Variants in ZNF329 observed in about 807,000 individuals in gnomAD.
The protein encoded by ZNF329 is zinc finger protein 329.
ZNF329 carries 15 observed loss-of-function variants against 26.6 expected under a neutral mutation model. The ratio of observed to expected loss-of-function variants is 0.56; its 90% CI spans 0.38 to 0.87. ZNF329 has a LOEUF of 0.87. ZNF329 is among the 40% of genes least tolerant of loss of function. The pLI is 0.00. For synonymous variants in ZNF329, 239 were observed against 233.5 expected, an observed-to-expected ratio of 1.02 and a Z score of -0.21; for missense variants, 651 against 651.9, an observed-to-expected ratio of 1.00 and a Z score of 0.02.
chr19:58,126,599 T>C lies in ZNF329; in HGVS notation c.*1279A>G, dbSNP rs2074805894. On this transcript the variant is annotated 3_prime_UTR_variant, in exon 4 of 4. Coordinates refer to ENST00000598312, the MANE Select transcript of ZNF329 (RefSeq NM_024620.4). ...AACTCAGTATTTTTGCTTCAACAAC[T>C]AAAGCAACAAACCACATCTGTTAGA... 6.6e-6 allele frequency: 1 copy of C among 152,198 alleles called. No individual in the cohort carries two copies. The allele number at this position is 152,198 out of a possible 1,614,324, so 9.4% of individuals were successfully genotyped here.
At chr19:58,144,396 A>ATTT (rs367570171) in intron 1 of ZNF329, among the ~76,000 whole-genome samples, 14,997 of 127,318 alleles carry the variant, frequency 0.12, 1,191 homozygotes, top group East Asian at 0.26. Flanking sequence ...ATATATATAT[A>ATTT]TTTTTTTTTT....
intron 1 of ZNF329, among the ~76,000 whole-genome samples, chr19:58,146,017 A>G (rs982872982): frequency 2.0e-5 from 3 of 150,564 alleles, no homozygotes; most frequent in African/African-American, 7.3e-5. Context: ...AAAAAAAAAG[A>G]AAGGAGAGTG....
In ZNF329 at chr19:58,127,852, TG is replaced by T. The variant is rs779924139; in HGVS notation, c.*25del. 1 of 1,552,852 alleles carries T rather than the reference TG, an allele frequency of 6.4e-7. No individual in the cohort carries two copies. The highest frequency in any genetic ancestry group is 8.7e-7 in the Non-Finnish European group (1 of 1,148,766). Reference sequence around the variant, plus strand: ...CCTAAACACAGGAGTGAGAGTGAACTGGAAGACTCATGTGGCCCCCAACCAT... The same window carrying T: ...CCTAAACACAGGAGTGAGAGTGAACTGAAGACTCATGTGGCCCCCAACCAT... On this transcript the variant is annotated 3_prime_UTR_variant, in exon 4 of 4. Coordinates refer to ENST00000598312, the MANE Select transcript of ZNF329 (RefSeq NM_024620.4).
At chr19:58,146,132 G>A (rs1483447519) in intron 1 of ZNF329, among the ~76,000 whole-genome samples, 2 of 152,080 alleles carry the variant, frequency 1.3e-5, no homozygotes, top group Non-Finnish European at 2.9e-5. Flanking sequence ...CATACAAACT[G>A]TATCAGCTGC....
rs765312186 is a variant in ZNF329 at position 58,128,380 on chromosome 19, T to G, written c.1124A>C (p.Glu375Ala). The change falls in exon 4 of 4, where the codon GAG becomes GCG. Residue 375 changes from glutamate (E) to alanine (A), a missense_variant. Transcript: ENST00000598312. ...HTGEKPFECAECGKSFNRNSH... is the reference protein window; with the variant it reads ...HTGEKPFECAACGKSFNRNSH... ...GTTTCTGTTGAAGGATTTCCCGCAC[T>G]CTGCACACTCAAAGGGCTTTTCTCC... is the stretch of plus-strand genomic sequence containing the variant. 1 of 1,614,158 alleles carries G rather than the reference T, an allele frequency of 6.2e-7. No individual in the cohort carries two copies. The highest frequency in any genetic ancestry group is 8.5e-7 in the Non-Finnish European group (1 of 1,180,028).
upstream of ZNF329, among the ~76,000 whole-genome samples, chr19:58,152,441 T>A (rs1281810746): frequency 3.0e-4 from 42 of 141,500 alleles, no homozygotes; most frequent in Admixed American, 1.1e-3. Context: ...AAAAAAAAAA[T>A]CTTCACAAAA....
intron 1 of ZNF329, among the ~76,000 whole-genome samples, chr19:58,149,303 T>C (rs758808899): frequency 6.6e-6 from 1 of 152,022 alleles, no homozygotes; most frequent in Non-Finnish European, 1.5e-5. Flanking sequence ...ATCTATGGAG[T>C]AGCCATTTTT....
At chr19:58,150,839 G>A (rs1438613684), upstream of ZNF329, 2 of 152,802 alleles carry the variant, frequency 1.3e-5, no homozygotes, top group South Asian at 2.1e-4. Context: ...GAGTCCCCGA[G>A]CTTCCCCCGC....
intron 1 of ZNF329, among the ~76,000 whole-genome samples, chr19:58,146,676 G>A (rs1021565227): frequency 5.4e-5 from 8 of 149,184 alleles, no homozygotes; most frequent in African/African-American, 1.5e-4. Flanking sequence ...TCAGCCTGCC[G>A]AGTGCCTGCA....
intron 1 of ZNF329, among the ~76,000 whole-genome samples, chr19:58,146,787 G>A (rs1029952355): frequency 9.2e-5 from 14 of 151,972 alleles, no homozygotes; most frequent in Non-Finnish European, 1.5e-4. Flanking sequence ...TCCTAACCAC[G>A]AGTGATCCGC....
chr19:58,135,803 T>G (rs1291965709), intron 3 of ZNF329, among the ~76,000 whole-genome samples: 2 of 152,016 alleles, frequency 1.3e-5, no homozygotes, highest in African/African-American at 4.8e-5. Flanking sequence ...AGGCAGCAAG[T>G]TAAAAGCCAG....
chr19:58,131,107 G>GTA (rs1315056392), intron 3 of ZNF329, among the ~76,000 whole-genome samples: 9 of 147,602 alleles, frequency 6.1e-5, no homozygotes, highest in African/African-American at 2.2e-4. Context: ...ATATATACAT[G>GTA]TATATGTGTA....
upstream of ZNF329, chr19:58,154,894 G>A (rs571294617): frequency 2.6e-5 from 4 of 152,532 alleles, no homozygotes; most frequent in South Asian, 4.1e-4. Context: ...CAGACGCGGA[G>A]CCCACAGGAG....
At chr19:58,150,038 C>G (rs756250717) in intron 1 of ZNF329, among the ~76,000 whole-genome samples, 1 of 152,112 alleles carries the variant, frequency 6.6e-6, no homozygotes. Context: ...TTAACCGGGT[C>G]GTTCACTGCA....
At chr19:58,149,055 G>A (rs1855403062) in intron 1 of ZNF329, among the ~76,000 whole-genome samples, 1 of 152,198 alleles carries the variant, frequency 6.6e-6, no homozygotes, top group African/African-American at 2.4e-5. Context: ...TAAAGACCTT[G>A]TTGATAAAAC....
intron 3 of ZNF329, among the ~76,000 whole-genome samples, chr19:58,129,895 C>T (rs2074898674): frequency 6.6e-6 from 1 of 152,246 alleles, no homozygotes; most frequent in Non-Finnish European, 1.5e-5. Flanking sequence ...AAAGCTCTGA[C>T]TTCACAATGA....
chr19:58,139,605 T>A (rs368867171), intron 3 of ZNF329, among the ~76,000 whole-genome samples: 95 of 152,270 alleles, frequency 6.2e-4, no homozygotes, highest in African/African-American at 2.2e-3. Context: ...TCAAAAAGGT[T>A]CTACCCTCGT....
intron 1 of ZNF329, among the ~76,000 whole-genome samples, chr19:58,145,314 CTTTT>C (rs71188087): frequency 1.0e-4 from 11 of 106,170 alleles, no homozygotes; most frequent in African/African-American, 3.8e-4. Flanking sequence ...TTTTTTCTTC[CTTTT>C]TTTTTTTTTT....
chr19:58,138,889 CG>C (rs2075126641), intron 3 of ZNF329, among the ~76,000 whole-genome samples: 1 of 150,996 alleles, frequency 6.6e-6, no homozygotes, highest in Non-Finnish European at 1.5e-5. Context: ...CCCAGCTACT[CG>C]GGAGGCTGAG....
Sources: allele counts gnomAD v4.1 joint callset (sites outside exome capture counted in the v4.1 genomes callset), GRCh38; gene constraint gnomAD v4.1.1; transcripts MANE v1.5; gene names NCBI Gene and HGNC (gene_info 2026-07-23, HGNC 2026-07-21).